The following FARP1 variants were observed in gnomAD, a reference collection of about 807,000 sequenced individuals.
FARP1 encodes the protein FERM, ARH/RhoGEF and pleckstrin domain protein 1.
FARP1 carries 52 observed loss-of-function variants against 128.8 expected under a neutral mutation model. That is an observed-to-expected ratio of 0.40 (90% CI 0.32 to 0.51). The LOEUF (loss-of-function observed/expected upper bound fraction) is 0.51, where lower values mean the gene tolerates loss of function less well. FARP1 is among the 20% of genes least tolerant of loss of function. The pLI is 0.45. For synonymous variants in FARP1, 580 were observed against 551.8 expected (o/e 1.05, Z -0.72); for missense variants, 1,333 against 1,367.9 (o/e 0.97, Z 0.40).
rs1454656773 is a variant in FARP1, at chr13:98,400,389, T to C, written c.1414+4913T>C. Reference sequence around the variant, plus strand: ...ATTAATCTGTCATTTTAAATGTTGTTGAAACTGCCATGAGTGTGCACACAG... The same window carrying C: ...ATTAATCTGTCATTTTAAATGTTGTCGAAACTGCCATGAGTGTGCACACAG... On this transcript the variant is annotated intron_variant, in intron 13 of 26. Coordinates refer to ENST00000319562, the MANE Select transcript of FARP1 (RefSeq NM_005766.4). 4 of 152,362 alleles carry C rather than the reference T, an allele frequency of 2.6e-5. No homozygotes were observed. The East Asian group carries it at 5.8e-4, about 22-fold the overall frequency. 9.4% of individuals were successfully genotyped at this position (152,362 alleles called of 1,614,324 possible).
intron 3 of FARP1, among the ~76,000 whole-genome samples, chr13:98,364,590 T>C (rs1889004429): frequency 6.6e-6 from 1 of 152,334 alleles, no homozygotes; most frequent in Non-Finnish European, 1.5e-5. Flanking sequence ...AGTTTTGTCA[T>C]ATATGCAAAT....
chr13:98,329,842 A>G (rs1426154783), intron 2 of FARP1: 1 of 152,206 alleles, frequency 6.6e-6, no homozygotes, highest in African/African-American at 2.4e-5. Context: ...TGAACAAAAC[A>G]AGATCCATAT....
At chr13:98,261,477 A>G (rs1027138287) in intron 2 of FARP1, among the ~76,000 whole-genome samples, 2 of 149,162 alleles carry the variant, frequency 1.3e-5, no homozygotes, top group African/African-American at 5.0e-5. Context: ...ATTCCTCTCT[A>G]TAGATTTCAG....
intron 2 of FARP1, among the ~76,000 whole-genome samples, chr13:98,239,740 C>G (rs1022093453): frequency 2.2e-4 from 34 of 151,956 alleles, no homozygotes; most frequent in Admixed American, 3.9e-4. Flanking sequence ...AGGGCTGCTC[C>G]CGGAGGAGAT....
chr13:98,421,685 C>T (rs1594517397), intron 16 of FARP1, among the ~76,000 whole-genome samples: 1 of 152,126 alleles, frequency 6.6e-6, no homozygotes, highest in Non-Finnish European at 1.5e-5. Context: ...TAGTGAGACC[C>T]CATCTTTACA....
rs1330832700 is a variant in FARP1 at position 98,368,154 on chromosome 13, C to A, written c.357C>A (p.Phe119Leu). The change falls in exon 5 of 27, where the codon TTC (phenylalanine) becomes TTA (leucine). Residue 119 changes from phenylalanine to leucine, a missense_variant. Around this residue, in one of 2 missense-constraint regions of FARP1, gnomAD observed 324 missense variants for 398.1 expected, o/e 0.81. Transcript: ENST00000319562. ...TTGTTGTTAAGTTTGTGGTGAAATT[C>A]TTTCCGCCTGACCACACACAACTCC... ...KHVVVKFVVK[F>L]FPPDHTQLQE... 1 of 1,614,030 alleles carries A rather than the reference C, an allele frequency of 6.2e-7. No individual in the cohort carries two copies. The highest frequency in any genetic ancestry group is 1.1e-5 in the South Asian group (1 of 91,072).
Position 98,176,068 on chromosome 13 carries a change from C to G in FARP1, c.-24+32576C>G, listed in dbSNP as rs1877991266. 9.3e-7 allele frequency: 1 copy of G among 1,080,058 alleles called. No individual in the cohort carries two copies. Among genetic ancestry groups the G allele is most frequent in the African/African-American group, 1.6e-5 (1 of 63,314 alleles). The allele number at this position is 1,080,058 out of a possible 1,614,324, so 66.9% of individuals were successfully genotyped here. On this transcript the variant is annotated intron_variant, in intron 1 of 26. Coordinates refer to ENST00000319562, the MANE Select transcript of FARP1 (RefSeq NM_005766.4). The surrounding 1 kb of genome is among the most constrained non-coding windows in gnomAD (Gnocchi z 6.2). Reference sequence around the variant, plus strand: ...ATCCGGATTTCAATTCTTTTGGTTACATACTCAGGCATGGGATTGCAGGAA... The same window carrying G: ...ATCCGGATTTCAATTCTTTTGGTTAGATACTCAGGCATGGGATTGCAGGAA...
intron 2 of FARP1, among the ~76,000 whole-genome samples, chr13:98,319,800 C>G (rs1760788699): frequency 6.6e-6 from 1 of 152,070 alleles, no homozygotes; most frequent in African/African-American, 2.4e-5. Flanking sequence ...AAAACCAAGT[C>G]CAGTCTTTAT....
At chr13:98,365,315 C>T in intron 3 of FARP1, 80 bp from the exon 4 acceptor site, 2 of 1,103,398 alleles carry the variant, frequency 1.8e-6, no homozygotes, top group South Asian at 1.3e-5. Flanking sequence ...TGATTTTAAA[C>T]AGCTTTAAAC....
chr13:98,363,388 TGTG>T (rs1376401215), intron 3 of FARP1, among the ~76,000 whole-genome samples: 1 of 152,224 alleles, frequency 6.6e-6, no homozygotes, highest in Non-Finnish European at 1.5e-5. Flanking sequence ...TTCTGCATAT[TGTG>T]GTGTTTTGAC....
At chr13:98,406,172 T>G (rs1890964086) in intron 13 of FARP1, 1 of 152,194 alleles carries the variant, frequency 6.6e-6, no homozygotes, top group African/African-American at 2.4e-5. Flanking sequence ...AAAAGAGAAT[T>G]TTAATTACTC....
chr13:98,288,938 T>C (rs542621325), intron 2 of FARP1, among the ~76,000 whole-genome samples: 1 of 152,082 alleles, frequency 6.6e-6, no homozygotes, highest in East Asian at 1.9e-4. Flanking sequence ...ATTCTATTTC[T>C]GGGTATTGTA....
chr13:98,357,380 A>G (rs1888684625), intron 3 of FARP1, among the ~76,000 whole-genome samples: 2 of 152,160 alleles, frequency 1.3e-5, no homozygotes, highest in Admixed American at 6.5e-5. Context: ...TGTATTGACA[A>G]TGGTGAGGAC....
intron 25 of FARP1, 71 bp from the exon 26 acceptor site, chr13:98,446,595 C>A: frequency 6.6e-7 from 1 of 1,518,512 alleles, no homozygotes; most frequent in Non-Finnish European, 9.1e-7. Context: ...CTGTCTGATG[C>A]GGGGCAGCAG....
At position 98,368,097 on chromosome 13, in the gene FARP1, C is replaced by A. The variant is rs1210973726; in HGVS notation, c.320-20C>A. The A allele has an allele frequency of 6.2e-7, 1 of 1,601,098 alleles. No homozygotes were observed. The highest frequency in any genetic ancestry group is 1.3e-5 in the African/African-American group (1 of 74,580). Reference sequence around the variant, plus strand: ...ACACAAATCAGTAAATGCTTTACTTCTTTTTTTCTTCTTCTTTAGGGCCAA... The same window carrying A: ...ACACAAATCAGTAAATGCTTTACTTATTTTTTTCTTCTTCTTTAGGGCCAA... On this transcript the variant is annotated intron_variant, in intron 4 of 26. Coordinates refer to ENST00000319562, the MANE Select transcript of FARP1 (RefSeq NM_005766.4).
intron 2 of FARP1, among the ~76,000 whole-genome samples, chr13:98,240,978 G>A (rs1320518852): frequency 3.3e-5 from 5 of 152,206 alleles, no homozygotes; most frequent in African/African-American, 1.2e-4. Context: ...GACTCTGGTG[G>A]GTGACTCAGG....
At chr13:98,299,694 GAT>G (rs1885843740) in intron 2 of FARP1, among the ~76,000 whole-genome samples, 1 of 152,168 alleles carries the variant, frequency 6.6e-6, no homozygotes, top group Non-Finnish European at 1.5e-5. Context: ...GCCTTAGGAA[GAT>G]GTAATTCTTT....
At chr13:98,374,611 T>C (rs1889500352) in intron 5 of FARP1, among the ~76,000 whole-genome samples, 1 of 152,252 alleles carries the variant, frequency 6.6e-6, no homozygotes, top group Non-Finnish European at 1.5e-5. Context: ...ATTTGCCTGC[T>C]AGCTTTCTTG....
chr13:98,261,424 C>T (rs1566805874), intron 2 of FARP1, among the ~76,000 whole-genome samples: 1 of 152,192 alleles, frequency 6.6e-6, no homozygotes, highest in Admixed American at 6.5e-5. Context: ...ACCTTTTGGT[C>T]CATAGCATCT....
Sources: allele counts gnomAD v4.1 joint callset (sites outside exome capture counted in the v4.1 genomes callset), GRCh38; gene constraint gnomAD v4.1.1; regional missense constraint gnomAD v4.1.1; non-coding constraint Gnocchi (gnomAD v3.1); transcripts MANE v1.5; gene names NCBI Gene and HGNC (gene_info 2026-07-23, HGNC 2026-07-21).